The following SMARCA2 variants were observed in gnomAD, a reference collection of about 807,000 sequenced individuals.
SMARCA2 encodes the protein SWI/SNF related BAF chromatin remodeling complex subunit ATPase 2, also known as SWI/SNF-related matrix-associated actin-dependent regulator of chromatin subfamily A member 2.
In SMARCA2, 61 loss-of-function variants were observed where a neutral mutation model predicts 199.8. The observed-to-expected ratio is 0.31, with a 90% CI of 0.25 to 0.38. The LOEUF (loss-of-function observed/expected upper bound fraction) is 0.38. Among genes scored for constraint, SMARCA2 ranks in the 10% least tolerant of loss-of-function variants. The pLI, the probability that SMARCA2 is intolerant of heterozygous loss-of-function variation, is 1.00. For synonymous variants in SMARCA2, 935 were observed against 732.0 expected (o/e 1.28, Z -4.48); for missense variants, 1,344 against 2,012.2 (o/e 0.67, Z 6.35).
intron 27 of SMARCA2, among the ~76,000 whole-genome samples, chr9:2,144,282 T>C (rs970607493): frequency 3.3e-5 from 5 of 152,230 alleles, no homozygotes; most frequent in East Asian, 1.9e-4. Flanking sequence ...GGGAAACAGT[T>C]GTGTTTCTGT....
At chr9:2,053,163 G>A (rs1365990908) in intron 5 of SMARCA2, among the ~76,000 whole-genome samples, 1 of 152,000 alleles carries the variant, frequency 6.6e-6, no homozygotes, top group African/African-American at 2.4e-5. Context: ...GTGTATTGTT[G>A]CCATCTTTAT....
intron 27 of SMARCA2, among the ~76,000 whole-genome samples, chr9:2,136,495 G>A (rs1255315154): frequency 6.6e-6 from 1 of 152,102 alleles, no homozygotes. Context: ...CCTATTCCCT[G>A]CTTTCTCATC....
At chr9:2,097,009 G>A (rs1282049503) in intron 20 of SMARCA2, 11 of 527,186 alleles carry the variant, frequency 2.1e-5, no homozygotes, top group Non-Finnish European at 3.7e-5. Flanking sequence ...CAATTTTGCA[G>A]CAAATATATT....
At chr9:2,126,935 C>T (rs1379067001) in intron 27 of SMARCA2, among the ~76,000 whole-genome samples, 1 of 152,218 alleles carries the variant, frequency 6.6e-6, no homozygotes, top group African/African-American at 2.4e-5. Context: ...TCCTCAGAGG[C>T]CTTGATTCTT....
rs746774929 is a variant in SMARCA2, at chr9:2,123,673, A to G, written c.3763-46A>G. On this transcript the variant is annotated intron_variant, in intron 26 of 33. Transcript: ENST00000349721. This position sits in a 1 kb window ranked among gnomAD's most constrained non-coding sequence, Gnocchi z 4.1. ...TGTGTAGTGCTGGGAAGTCTGCACC[A>G]TACAGAAGCCCTGACTTTCGGTGAC... 5 of 1,554,514 alleles carry G rather than the reference A, an allele frequency of 3.2e-6. No individual in the cohort carries two copies. In the African/African-American group the frequency reaches 4.1e-5, roughly 13 times the overall value.
intron 27 of SMARCA2, among the ~76,000 whole-genome samples, chr9:2,128,379 T>G (rs572910805): frequency 6.6e-6 from 1 of 152,350 alleles, no homozygotes; most frequent in South Asian, 2.1e-4. Flanking sequence ...TGTCCTGCAT[T>G]CTCACATCTC....
At chr9:2,049,580 A>G (rs1820028483) in intron 5 of SMARCA2, among the ~76,000 whole-genome samples, 1 of 152,242 alleles carries the variant, frequency 6.6e-6, no homozygotes, top group Non-Finnish European at 1.5e-5. Context: ...CCCTGAATCC[A>G]GAAAGGTCAT....
At chr9:2,160,116 T>C in intron 27 of SMARCA2, 1 of 618,012 alleles carries the variant, frequency 1.6e-6, no homozygotes, top group South Asian at 2.6e-5. Flanking sequence ...GCGGGACAAT[T>C]TCCTTTTCTT....
intron 29 of SMARCA2, among the ~76,000 whole-genome samples, chr9:2,171,025 T>C (rs1370910027): frequency 1.3e-5 from 2 of 152,190 alleles, no homozygotes; most frequent in African/African-American, 2.4e-5. Context: ...GCCTACCTGT[T>C]GTGTGTAGTC....
intron 1 of SMARCA2, among the ~76,000 whole-genome samples, chr9:2,019,062 A>C: frequency 6.6e-6 from 1 of 152,070 alleles, no homozygotes; most frequent in East Asian, 1.9e-4. Flanking sequence ...TTTACAATGC[A>C]AATGTTTGCT....
intron 27 of SMARCA2, among the ~76,000 whole-genome samples, chr9:2,150,511 T>C (rs1825007743): frequency 6.6e-6 from 1 of 151,542 alleles, no homozygotes; most frequent in East Asian, 1.9e-4. Flanking sequence ...GGTGGGGCAG[T>C]TTCCCTTAGA....
intron 31 of SMARCA2, among the ~76,000 whole-genome samples, chr9:2,184,903 A>G (rs1201270811): frequency 6.6e-6 from 1 of 151,916 alleles, no homozygotes; most frequent in Non-Finnish European, 1.5e-5. Context: ...CTCACTGCCT[A>G]TATTGTTCAT....
intron 14 of SMARCA2, 99 bp from the exon 15 acceptor site, chr9:2,081,730 ACAG>A (rs1461691524): frequency 1.0e-6 from 1 of 972,392 alleles, no homozygotes; most frequent in East Asian, 2.4e-5. Flanking sequence ...AACCCAACAT[ACAG>A]CAGTGAGGAG....
chr9:2,111,648 A>G (rs949222664), intron 24 of SMARCA2, among the ~76,000 whole-genome samples: 5 of 152,180 alleles, frequency 3.3e-5, no homozygotes, highest in African/African-American at 1.2e-4. Context: ...TGGCAGTGCC[A>G]TATAGCGTCA....
chr9:2,114,502 G>T (rs2130594840), intron 24 of SMARCA2, among the ~76,000 whole-genome samples: 1 of 152,260 alleles, frequency 6.6e-6, no homozygotes, highest in African/African-American at 2.4e-5. Context: ...TATGGTGCCA[G>T]GGATGTGGGA....
intron 3 of SMARCA2, among the ~76,000 whole-genome samples, chr9:2,038,758 A>G (rs941759380): frequency 1.1e-4 from 16 of 152,018 alleles, no homozygotes; most frequent in African/African-American, 3.9e-4. Context: ...CTAGTACTCA[A>G]TCCTTAAATA....
Position 2,147,076 on chromosome 9 carries a change from G to T in SMARCA2, c.3982-14610G>T, listed in dbSNP as rs140210337. 1.4e-4 allele frequency among the ~76,000 whole-genome samples: 22 copies of T among 152,258 alleles called. No homozygotes were observed. In the East Asian group the frequency reaches 1.7e-3, roughly 12 times the overall value. On this transcript the variant is annotated intron_variant, in intron 27 of 33. Transcript: ENST00000349721. ...ATCTCTGACAGTTCCATACAGGCAG[G>T]CTTGGAATTGATAGACTGAGGAGAA... is the stretch of plus-strand genomic sequence containing the variant.
chr9:2,073,106 A>C (rs1375050503), intron 10 of SMARCA2, 106 bp from the exon 11 acceptor site: 1 of 1,349,066 alleles, frequency 7.4e-7, no homozygotes, highest in Admixed American at 2.2e-5. Flanking sequence ...CAAACACAGA[A>C]TAAGGTTTCA....
chr9:2,154,191 T>G (rs910266465), intron 27 of SMARCA2, among the ~76,000 whole-genome samples: 3 of 152,132 alleles, frequency 2.0e-5, no homozygotes, highest in Non-Finnish European at 4.4e-5. Flanking sequence ...ATTGTGAGGT[T>G]TAAATGACTA....
Sources: gnomAD v4.1 joint callset for allele counts (sites outside exome capture counted in the v4.1 genomes callset) on GRCh38, gnomAD v4.1.1 for gene constraint, Gnocchi (gnomAD v3.1) non-coding constraint, MANE v1.5 for transcripts, NCBI Gene and HGNC (gene_info 2026-07-23, HGNC 2026-07-21) for gene names.